Variants in NEDD1 observed in about 807,000 individuals in gnomAD.
The protein encoded by NEDD1 is protein NEDD1.
Under a neutral mutation model 74.0 loss-of-function variants are expected in NEDD1, and 33 were observed. That is an observed-to-expected ratio of 0.45 (90% CI 0.34 to 0.60). The LOEUF (loss-of-function observed/expected upper bound fraction) is 0.60, where lower values mean the gene tolerates loss of function less well. Among genes scored for constraint, NEDD1 ranks in the 20% least tolerant of loss-of-function variants. NEDD1 has a pLI of 0.01. For missense variants in NEDD1, 746 were observed against 776.5 expected, an observed-to-expected ratio of 0.96 and a Z score of 0.47; for synonymous variants, 250 against 264.4, an observed-to-expected ratio of 0.95 and a Z score of 0.53.
At chr12:96,918,749 C>T (rs576893208) in intron 5 of NEDD1, among the ~76,000 whole-genome samples, 7 of 152,218 alleles carry the variant, frequency 4.6e-5, no homozygotes, top group Non-Finnish European at 8.8e-5. Context: ...ATGACTTATT[C>T]TCCACAGTTG....
At chr12:96,925,895 G>A (rs755296093) in intron 6 of NEDD1, among the ~76,000 whole-genome samples, 3 of 152,134 alleles carry the variant, frequency 2.0e-5, no homozygotes, top group Non-Finnish European at 4.4e-5. Flanking sequence ...GTAGATTTAC[G>A]TGGTAAGTCC....
chr12:96,921,169 ACT>A, intron 6 of NEDD1, among the ~76,000 whole-genome samples: 1 of 151,820 alleles, frequency 6.6e-6, no homozygotes, highest in Admixed American at 6.6e-5. Context: ...TATTGGGATT[ACT>A]CTTTTTTTGC....
chr12:96,927,096 T>C (rs1875793612), intron 6 of NEDD1, among the ~76,000 whole-genome samples: 1 of 152,204 alleles, frequency 6.6e-6, no homozygotes, highest in South Asian at 2.1e-4. Flanking sequence ...AGTCTGTTAC[T>C]TAGGCCAATT....
At chr12:96,925,504 G>C (rs560999455) in intron 6 of NEDD1, among the ~76,000 whole-genome samples, 1 of 152,250 alleles carries the variant, frequency 6.6e-6, no homozygotes, top group East Asian at 1.9e-4. Context: ...TTACATATCA[G>C]CTCTTCAGAA....
At chr12:96,913,647 C>T (rs937768033) in intron 4 of NEDD1, among the ~76,000 whole-genome samples, 1 of 152,176 alleles carries the variant, frequency 6.6e-6, no homozygotes, top group Non-Finnish European at 1.5e-5. Context: ...GCTGGGATTA[C>T]AGGCATGAGC....
intron 4 of NEDD1, among the ~76,000 whole-genome samples, chr12:96,916,907 T>A (rs1466456855): frequency 2.6e-5 from 4 of 152,172 alleles, no homozygotes; most frequent in African/African-American, 9.6e-5. Context: ...GTGTTAGTAG[T>A]AGCTATAGAT....
Position 96,907,846 on chromosome 12 carries a change from A to G in NEDD1, c.-19A>G. 1 of 1,364,338 alleles carries G rather than the reference A, an allele frequency of 7.3e-7. No homozygotes were observed. The highest frequency in any genetic ancestry group is 9.5e-7 in the Non-Finnish European group (1 of 1,056,062). The allele number at this position is 1,364,338 out of a possible 1,614,324, so 84.5% of individuals were successfully genotyped here. ...GTCTCTCCCTTAATGCTCAGTTCTT[A>G]GAAGACCGAGGTAGGTGGGCAGATG... On this transcript the variant is annotated 5_prime_UTR_variant, in exon 2 of 16. It removes the in-frame stop codon of an upstream open reading frame in the 5' UTR. Transcript: ENST00000266742.
chr12:96,940,994 T>A (rs534927630), intron 10 of NEDD1, among the ~76,000 whole-genome samples: 234 of 152,168 alleles, frequency 1.5e-3, no homozygotes, highest in African/African-American at 5.4e-3. Context: ...AATAGAAGCA[T>A]TATTTGTTAT....
chr12:96,929,524 A>G (rs1283863604), intron 6 of NEDD1, among the ~76,000 whole-genome samples: 4 of 146,068 alleles, frequency 2.7e-5, no homozygotes, highest in Admixed American at 6.9e-5. Context: ...TGGCTTTTCT[A>G]ACTTCACAGA....
intron 7 of NEDD1, 54 bp from the exon 8 acceptor site, chr12:96,936,557 A>C: frequency 8.0e-7 from 1 of 1,244,110 alleles, no homozygotes; most frequent in Admixed American, 1.7e-5. Flanking sequence ...TATATAAGCT[A>C]ATATACCTGT....
intron 6 of NEDD1, among the ~76,000 whole-genome samples, chr12:96,928,941 CG>C (rs1192304942): frequency 6.6e-6 from 1 of 151,914 alleles, no homozygotes; most frequent in Non-Finnish European, 1.5e-5. Flanking sequence ...CTGCCCGCCT[CG>C]GCCTCCCAAA....
chr12:96,940,175 A>G (rs1877522556), intron 9 of NEDD1, among the ~76,000 whole-genome samples: 1 of 152,022 alleles, frequency 6.6e-6, no homozygotes, highest in Admixed American at 6.6e-5. Context: ...TCTTTTGAGG[A>G]ACCTTTTGTT....
Position 96,920,133 on chromosome 12 carries a change from A to G in NEDD1, c.489+8A>G. The G allele has an allele frequency of 1.3e-6, 2 of 1,560,150 alleles. No individual in the cohort carries two copies. The highest frequency in any genetic ancestry group is 8.7e-7 in the Non-Finnish European group (1 of 1,144,626). On this transcript the variant is annotated splice_region_variant and intron_variant, in intron 6 of 15. Coordinates refer to ENST00000266742, the MANE Select transcript of NEDD1 (RefSeq NM_152905.4). ...GGCCATGGTAGTAACCAGGTACAGT[A>G]TGAGTTTATTCAGAGTAAAATTGGT...
At chr12:96,923,467 G>A (rs1268425985) in intron 6 of NEDD1, among the ~76,000 whole-genome samples, 2 of 152,074 alleles carry the variant, frequency 1.3e-5, no homozygotes, top group Admixed American at 1.3e-4. Flanking sequence ...AATCCAGCTG[G>A]CTGTGAGATC....
chr12:96,924,637 A>G (rs749407151), intron 6 of NEDD1, among the ~76,000 whole-genome samples: 1 of 152,054 alleles, frequency 6.6e-6, no homozygotes, highest in Non-Finnish European at 1.5e-5. Context: ...CACAGTTCAT[A>G]TTTGTCTTTT....
At chr12:96,911,380 T>C (rs1327777140) in intron 3 of NEDD1, among the ~76,000 whole-genome samples, 1 of 152,218 alleles carries the variant, frequency 6.6e-6, no homozygotes, top group Non-Finnish European at 1.5e-5. Flanking sequence ...CTTTTGGAAA[T>C]TGGTCTTACA....
intron 5 of NEDD1, among the ~76,000 whole-genome samples, chr12:96,917,989 T>C (rs549242069): frequency 6.6e-6 from 1 of 152,296 alleles, no homozygotes; most frequent in Admixed American, 6.5e-5. Context: ...AGTTCTACTC[T>C]TATTTGAATG....
At chr12:96,925,209 G>A (rs1431711846) in intron 6 of NEDD1, among the ~76,000 whole-genome samples, 1 of 152,182 alleles carries the variant, frequency 6.6e-6, no homozygotes, top group Non-Finnish European at 1.5e-5. Flanking sequence ...TAAAGGAAAT[G>A]ATGTCTCAGT....
At chr12:96,919,408 T>G (rs1874817508) in intron 5 of NEDD1, among the ~76,000 whole-genome samples, 1 of 152,200 alleles carries the variant, frequency 6.6e-6, no homozygotes, top group African/African-American at 2.4e-5. Flanking sequence ...TTCTAAGCAT[T>G]AAATAATATA....
Sources: gnomAD v4.1 joint callset for allele counts (sites outside exome capture counted in the v4.1 genomes callset) on GRCh38, gnomAD v4.1.1 for gene constraint, MANE v1.5 for transcripts, NCBI Gene and HGNC (gene_info 2026-07-23, HGNC 2026-07-21) for gene names.